MAST2: variants seen among roughly 807,000 people sequenced by gnomAD.
MAST2 encodes the protein microtubule associated serine/threonine kinase 2, also known as microtubule-associated serine/threonine-protein kinase 2.
MAST2 carries 70 observed loss-of-function variants against 147.4 expected under a neutral mutation model. That is an observed-to-expected ratio of 0.47 (90% CI 0.39 to 0.58). The LOEUF (loss-of-function observed/expected upper bound fraction) is 0.58. Among genes scored for constraint, MAST2 ranks in the 20% least tolerant of loss-of-function variants. MAST2 has a pLI of 0.00. For synonymous variants in MAST2, 869 were observed against 896.8 expected, an observed-to-expected ratio of 0.97 and a Z score of 0.55; for missense variants, 2,080 against 2,302.3, an observed-to-expected ratio of 0.90 and a Z score of 1.98.
At chr1:45,928,942 G>A (rs933034575) in intron 4 of MAST2, among the ~76,000 whole-genome samples, 1 of 150,378 alleles carries the variant, frequency 6.6e-6, no homozygotes, top group Non-Finnish European at 1.5e-5. Flanking sequence ...GTTTTTTTCT[G>A]ACATGTTCTT....
chr1:45,990,906 TC>T (rs1208959403), intron 5 of MAST2, among the ~76,000 whole-genome samples: 4 of 152,356 alleles, frequency 2.6e-5, no homozygotes, highest in Non-Finnish European at 5.9e-5. Flanking sequence ...ATGTTTTTTT[TC>T]ATGGTTTTGC....
At chr1:45,875,847 C>T (rs937806604) in intron 3 of MAST2, among the ~76,000 whole-genome samples, 7 of 151,742 alleles carry the variant, frequency 4.6e-5, no homozygotes, top group African/African-American at 1.7e-4. Flanking sequence ...GTTGTATGTA[C>T]AACTATAGAG....
intron 1 of MAST2, among the ~76,000 whole-genome samples, chr1:45,810,758 CCAAG>C (rs1312197572): frequency 2.1e-5 from 3 of 141,042 alleles, no homozygotes; most frequent in South Asian, 2.4e-4. Flanking sequence ...TTGCGGTGAG[CCAAG>C]ATCGCGCCAC....
At position 46,002,830 on chromosome 1, in the gene MAST2, G is replaced by A; in HGVS notation, c.694G>A (p.Ala232Thr). 6.2e-7 allele frequency: 1 copy of A among 1,614,144 alleles called. No homozygotes were observed. Among genetic ancestry groups the A allele is most frequent in the Non-Finnish European group, 8.5e-7 (1 of 1,180,018 alleles). The change falls in exon 7 of 29, where the codon GCC (alanine) becomes ACC (threonine). Residue 232 changes from alanine to threonine, a missense_variant. Physicochemically the swap from Ala to Thr is moderately conservative, Grantham distance 58 (BLOSUM62 0). Around this residue, in one of 4 missense-constraint regions of MAST2, gnomAD observed 569 missense variants for 642.5 expected, o/e 0.89. Coordinates refer to ENST00000361297, the MANE Select transcript of MAST2 (RefSeq NM_015112.3). The part of the protein sequence containing the change: ...RRTDGRRWSL[A>T]SLPSSGYGTN... ...GACTGATGGGCGGCGCTGGTCTTTG[G>A]CCTCTTTGCCCTCTTCAGGATATGG...
chr1:45,809,855 CATA>C (rs1644242111), intron 1 of MAST2, among the ~76,000 whole-genome samples: 1 of 152,166 alleles, frequency 6.6e-6, no homozygotes, highest in African/African-American at 2.4e-5. Context: ...CTGGAAAGCA[CATA>C]ATAAGTAGGT....
rs755848608 is a variant in MAST2 at position 46,032,688 on chromosome 1, G to A, written c.3507G>A (p.Val1169=). 1.9e-6 allele frequency: 3 copies of A among 1,614,128 alleles called. No individual in the cohort carries two copies. Among genetic ancestry groups the A allele is most frequent in the South Asian group, 1.1e-5 (1 of 91,072 alleles). Residue 1169 remains valine (V), a synonymous_variant, in exon 26 of 29, where the codon GTG becomes GTA. Coordinates refer to ENST00000361297, the MANE Select transcript of MAST2 (RefSeq NM_015112.3). The stretch of plus-strand genomic sequence containing the variant: ...ATGGGGAACCTGTGCATGGCCTGGT[G>A]CACACGGAGGTGGTAGAGCTGATCC... ...HVNGEPVHGL[V]HTEVVELILK...
At chr1:45,886,772 G>T (rs1405753873) in intron 4 of MAST2, among the ~76,000 whole-genome samples, 2 of 152,032 alleles carry the variant, frequency 1.3e-5, no homozygotes, top group Admixed American at 1.3e-4. Flanking sequence ...ATGCTATAGT[G>T]GGGGCCTCTT....
Position 46,020,827 on chromosome 1 carries a change from CA to C in MAST2, c.1291-1122del, listed in dbSNP as rs533586045. On this transcript the variant is annotated intron_variant, in intron 11 of 28. Coordinates refer to ENST00000361297, the MANE Select transcript of MAST2 (RefSeq NM_015112.3). ...GTATGTTCTGAATTCTTTCACTCAG[CA>C]TGTTTGTAGAAATTCATACATGTTG... Among the ~76,000 whole-genome samples the C allele has an allele frequency of 2.6e-5, 4 of 152,280 alleles. No homozygotes were observed. In the East Asian group the frequency reaches 7.7e-4, roughly 29 times the overall value.
chr1:46,031,237 A>T lies in MAST2; in HGVS notation c.2939A>T (p.Gln980Leu). ...CCTGTCACTGAACACTCAGGGGAGC[A>T]GCGGCCAAAGCTGGATGAGGAAGCT... is the stretch of plus-strand genomic sequence containing the variant. ...SGPVTEHSGE[Q>L]RPKLDEEAVG... The change falls in exon 23 of 29, where the codon CAG (glutamine) becomes CTG (leucine). Residue 980 changes from glutamine (Q) to leucine (L), a missense_variant. By Grantham distance (113) the Gln-to-Leu change is moderately radical (BLOSUM62 -2). Transcript: ENST00000361297. This position sits in a 1 kb window ranked among gnomAD's most constrained non-coding sequence, Gnocchi z 4.1. The T allele has an allele frequency of 6.5e-7, 1 of 1,539,372 alleles. No individual in the cohort carries two copies. The highest frequency in any genetic ancestry group is 8.8e-7 in the Non-Finnish European group (1 of 1,140,306).
rs1247187979 is a variant in MAST2, at chr1:46,005,868, C to A, written c.748-373C>A. ...CATTGCTGAGCTGCCCCCAGGGTGG[C>A]TCTCTCAAGATTGTGGAAGGGCGAA... On this transcript the variant is annotated intron_variant, in intron 7 of 28. Coordinates refer to ENST00000361297, the MANE Select transcript of MAST2 (RefSeq NM_015112.3). Among the ~76,000 whole-genome samples, 3 of 152,182 alleles carry A rather than the reference C, an allele frequency of 2.0e-5. No homozygotes were observed. In the East Asian group the frequency reaches 5.8e-4, roughly 29 times the overall value.
chr1:45,857,510 C>T (rs989915669), intron 3 of MAST2, among the ~76,000 whole-genome samples: 7 of 152,098 alleles, frequency 4.6e-5, no homozygotes, highest in African/African-American at 1.7e-4. Flanking sequence ...GTAAAGTTTC[C>T]AGGTTCTGTA....
chr1:45,832,420 G>A (rs746913124), intron 3 of MAST2, among the ~76,000 whole-genome samples: 3 of 151,050 alleles, frequency 2.0e-5, no homozygotes, highest in African/African-American at 4.9e-5. Flanking sequence ...CATGCCTCCC[G>A]AGTAGCTGGG....
intron 5 of MAST2, among the ~76,000 whole-genome samples, chr1:45,991,721 T>G (rs989681726): frequency 6.6e-6 from 1 of 152,222 alleles, no homozygotes; most frequent in Non-Finnish European, 1.5e-5. Context: ...CATTGTATCC[T>G]GCAACCTTGT....
At position 46,029,871 on chromosome 1, in the gene MAST2, T is replaced by G; in HGVS notation, c.2361T>G (p.Gly787=). ...YEVKQHPFFT[G]LDWTGLLRQK... is the part of the protein sequence containing the mutation. ...TGAAGCAGCACCCATTCTTTACTGG[T>G]CTGGACTGGACAGGACTTCTCCGCC... The change falls in exon 20 of 29, where the codon GGT becomes GGG. Residue 787 remains glycine, a synonymous_variant. Transcript: ENST00000361297. 6.2e-7 allele frequency: 1 copy of G among 1,614,194 alleles called. No individual in the cohort carries two copies. Among genetic ancestry groups the G allele is most frequent in the Non-Finnish European group, 8.5e-7 (1 of 1,180,026 alleles).
chr1:45,861,269 G>A (rs1179200867), intron 3 of MAST2, among the ~76,000 whole-genome samples: 1 of 152,124 alleles, frequency 6.6e-6, no homozygotes, highest in Non-Finnish European at 1.5e-5. Context: ...TTGCATTACT[G>A]TAGTCTACTG....
At chr1:45,908,750 T>G (rs983665648) in intron 4 of MAST2, among the ~76,000 whole-genome samples, 5 of 152,176 alleles carry the variant, frequency 3.3e-5, no homozygotes, top group Admixed American at 6.5e-5. Flanking sequence ...TTACCTGAAC[T>G]CTAGCCCATG....
At chr1:45,922,176 A>G (rs1653612880) in intron 4 of MAST2, among the ~76,000 whole-genome samples, 2 of 152,200 alleles carry the variant, frequency 1.3e-5, no homozygotes, top group African/African-American at 4.8e-5. Flanking sequence ...TGGGCCTCAG[A>G]GGGGAGGAAG....
intron 4 of MAST2, among the ~76,000 whole-genome samples, chr1:45,919,907 G>C (rs776438609): frequency 1.3e-5 from 2 of 151,684 alleles, no homozygotes; most frequent in Non-Finnish European, 2.9e-5. Flanking sequence ...GATATGACAA[G>C]ATTATTTTAG....
chr1:45,900,195 A>AAAAAAAAAAAATT (rs1553226994), intron 4 of MAST2, among the ~76,000 whole-genome samples: 188 of 93,084 alleles, frequency 2.0e-3, no homozygotes, highest in Non-Finnish European at 2.3e-3. Flanking sequence ...AAAAAAAAAA[A>AAAAAAAAAAAATT]GATTTACCCT....
Sources: gnomAD v4.1 joint callset for allele counts (sites outside exome capture counted in the v4.1 genomes callset) on GRCh38, gnomAD v4.1.1 for gene constraint, gnomAD v4.1.1 regional missense constraint, Gnocchi (gnomAD v3.1) non-coding constraint, MANE v1.5 for transcripts, NCBI Gene and HGNC (gene_info 2026-07-23, HGNC 2026-07-21) for gene names.